The following IL36A variants were observed in gnomAD, a reference collection of about 807,000 sequenced individuals.
The protein encoded by IL36A is interleukin 36 alpha, also known as interleukin-36 alpha.
In IL36A, 13 loss-of-function variants were observed where a neutral mutation model predicts 12.7. The ratio of observed to expected loss-of-function variants is 1.02; its 90% CI spans 0.67 to 1.63. The LOEUF (loss-of-function observed/expected upper bound fraction) is 1.63, where lower values mean the gene tolerates loss of function less well. Ranked by LOEUF, IL36A falls within the 40% of genes most tolerant of loss-of-function variation. The probability of loss-of-function intolerance (pLI) is 0.00; values close to 1 mark genes in which losing one functional copy is unlikely to be tolerated. For missense variants in IL36A, 195 were observed against 192.9 expected, an observed-to-expected ratio of 1.01 and a Z score of -0.07; for synonymous variants, 73 against 71.9, an observed-to-expected ratio of 1.01 and a Z score of -0.08.
chr2:113,006,814 T>A lies in IL36A; in HGVS notation c.264+77T>A, dbSNP rs1424172072. The A allele has an allele frequency of 3.4e-6, 5 of 1,473,592 alleles. No individual in the cohort carries two copies. In the Admixed American group the frequency reaches 9.7e-5, roughly 29 times the overall value. The allele number at this position is 1,473,592 out of a possible 1,614,324, so 91.3% of individuals were successfully genotyped here. ...AGGATCTTTTAAAAGACAATGTACT[T>A]ATTATGCTCATGCATTTTTATTTTT... On this transcript the variant is annotated intron_variant, in intron 3 of 3. Coordinates refer to ENST00000259211, the MANE Select transcript of IL36A (RefSeq NM_014440.3).
chr2:113,006,778 A>T, intron 3 of IL36A, 41 bp downstream of exon 3: 6 of 1,603,020 alleles, frequency 3.7e-6, no homozygotes, highest in East Asian at 2.2e-5. Flanking sequence ...TTTGATGGAA[A>T]CTCAGATTTC....
At chr2:113,006,764 T>G in intron 3 of IL36A, 27 bp downstream of exon 3, 1 of 1,608,216 alleles carries the variant, frequency 6.2e-7, no homozygotes, top group Non-Finnish European at 8.5e-7. Flanking sequence ...GGTCCTGCCA[T>G]TTATTTGATG....
intron 2 of IL36A, 29 bp downstream of exon 2, chr2:113,006,116 C>A: frequency 7.1e-7 from 1 of 1,411,864 alleles, no homozygotes; most frequent in Non-Finnish European, 1.0e-6. Flanking sequence ...TGAAAGGCAG[C>A]TCCTTTGGCC....
Position 113,005,471 on chromosome 2 carries a change from T to C in IL36A, c.-401T>C. 1 of 255,202 alleles carries C rather than the reference T, an allele frequency of 3.9e-6. No homozygotes were observed. The highest frequency in any genetic ancestry group is 6.5e-5 in the South Asian group (1 of 15,434). The allele number at this position is 255,202 out of a possible 1,614,324, so 15.8% of individuals were successfully genotyped here. A position where few individuals can be genotyped will look rare whatever the true frequency, so the allele number is the denominator to read the frequency against. ...GTTACAGCCTGTCAGAAAACCCAAG[T>C]GCAGTAGAAGCCATTGTTCATAATG... On this transcript the variant is annotated 5_prime_UTR_variant, in exon 1 of 4. Transcript: ENST00000259211.
Position 113,008,021 on chromosome 2 carries a change from T to C in IL36A, c.454T>C (p.Phe152Leu). 1.2e-6 allele frequency: 2 copies of C among 1,614,202 alleles called. No individual in the cohort carries two copies. Among genetic ancestry groups the C allele is most frequent in the Non-Finnish European group, 1.7e-6 (2 of 1,180,012 alleles). The change falls in exon 4 of 4, where the codon TTT becomes CTT. Residue 152 changes from phenylalanine to leucine, a missense_variant. By Grantham distance (22) the Phe-to-Leu change is conservative (BLOSUM62 0). Transcript: ENST00000259211. The stretch of plus-strand genomic sequence containing the variant: ...ACTGGGGAAAGCCAACACTACTGAC[T>C]TTGGGTTAACTATGCTGTTTTAAGG... Reference protein sequence around the residue: ...QELGKANTTDFGLTMLF With the variant: ...QELGKANTTDLGLTMLF
At chr2:113,009,998 T>G (rs997849502), downstream of IL36A, among the ~76,000 whole-genome samples, 7 of 152,228 alleles carry the variant, frequency 4.6e-5, no homozygotes. Context: ...TCTCTTATTT[T>G]GAAGACTTCT....
At chr2:113,006,476 G>A (rs1684623492) in intron 2 of IL36A, 122 bp from the exon 3 acceptor site, 1 of 1,035,044 alleles carries the variant, frequency 9.7e-7, no homozygotes, top group Non-Finnish European at 1.5e-6. Flanking sequence ...GTGGTGGGTG[G>A]TGAGGTGACC....
chr2:113,007,988 A>G lies in IL36A; in HGVS notation c.421A>G (p.Thr141Ala). Residue 141 changes from threonine to alanine, a missense_variant, in exon 4 of 4, where the codon ACC becomes GCC. Coordinates refer to ENST00000259211, the MANE Select transcript of IL36A (RefSeq NM_014440.3). ...TGAAGGAGGCTGTCCTCTCATCCTT[A>G]CCCAAGAACTGGGGAAAGCCAACAC... ...SSEGGCPLIL[T>A]QELGKANTTD... The G allele has an allele frequency of 6.2e-7, 1 of 1,614,142 alleles. No individual in the cohort carries two copies. Among genetic ancestry groups the G allele is most frequent in the Non-Finnish European group, 8.5e-7 (1 of 1,180,020 alleles).
In IL36A at chr2:113,006,050, G is replaced by A. The variant is rs1230347069; in HGVS notation, c.87G>A (p.Thr29=). 7 of 1,613,716 alleles carry A rather than the reference G, an allele frequency of 4.3e-6. No homozygotes were observed. The highest frequency in any genetic ancestry group is 1.7e-5 in the Admixed American group (1 of 60,002). The change falls in exon 2 of 4, where the codon ACG becomes ACA. Residue 29 remains threonine, a synonymous_variant. Coordinates refer to ENST00000259211, the MANE Select transcript of IL36A (RefSeq NM_014440.3). ...GGGTGTGGGTTCTTCAGGACCAGAC[G>A]CTCATAGCAGTCCCGAGGAAGGACC... is the stretch of plus-strand genomic sequence containing the variant. ...NHRVWVLQDQ[T]LIAVPRKDRM...
At position 113,006,082 on chromosome 2, in the gene IL36A, C is replaced by G; in HGVS notation, c.119C>G (p.Ser40Cys). Reference protein sequence around the residue: ...LIAVPRKDRMSPVTIALISCR... With the variant: ...LIAVPRKDRMCPVTIALISCR... ...GCAGTCCCGAGGAAGGACCGTATGT[C>G]TCCAGGTGAGTAGCCACGGTCTGTG... Residue 40 changes from serine to cysteine, a missense_variant, in exon 2 of 4, where the codon TCT becomes TGT. Ser to Cys is a moderately radical substitution (Grantham distance 112). Coordinates refer to ENST00000259211, the MANE Select transcript of IL36A (RefSeq NM_014440.3). 6.2e-7 allele frequency: 1 copy of G among 1,605,388 alleles called. No individual in the cohort carries two copies. The highest frequency in any genetic ancestry group is 8.5e-7 in the Non-Finnish European group (1 of 1,172,118).
At chr2:113,008,817 T>TAA (rs781225712), downstream of IL36A, among the ~76,000 whole-genome samples, 17 of 124,784 alleles carry the variant, frequency 1.4e-4, no homozygotes, top group South Asian at 4.5e-3. Context: ...TTTTTTTTTT[T>TAA]AAAAATTTTA....
intron 3 of IL36A, 140 bp from the exon 4 acceptor site, chr2:113,007,692 C>A (rs937986999): frequency 1.6e-6 from 1 of 624,222 alleles, no homozygotes; most frequent in Non-Finnish European, 2.9e-6. Flanking sequence ...GATTTTCAAT[C>A]CCATAATATG....
At chr2:113,006,500 AC>A in intron 2 of IL36A, 97 bp from the exon 3 acceptor site, 1 of 1,347,514 alleles carries the variant, frequency 7.4e-7, no homozygotes, top group African/African-American at 1.4e-5. Context: ...CTATGAGTGC[AC>A]TGTGAGTGTC....
At chr2:113,006,214 A>G in intron 2 of IL36A, 127 bp downstream of exon 2, 1 of 695,188 alleles carries the variant, frequency 1.4e-6, no homozygotes, top group Non-Finnish European at 2.6e-6. Context: ...TCTCACAGAC[A>G]ATAATGAATA....
At chr2:113,006,135 T>C in intron 2 of IL36A, 48 bp downstream of exon 2, 1 of 1,224,242 alleles carries the variant, frequency 8.2e-7, no homozygotes, top group East Asian at 2.3e-5. Context: ...CCAGTGCTGT[T>C]GTGTGTTTGG....
At chr2:113,007,668 A>G (rs184107859) in intron 3 of IL36A, among the ~76,000 whole-genome samples, 164 bp from the exon 4 acceptor site, 5 of 152,330 alleles carry the variant, frequency 3.3e-5, no homozygotes, top group Non-Finnish European at 5.9e-5. Context: ...ATCTTAAAAG[A>G]ATTTAATTTA....
Position 113,005,754 on chromosome 2 carries a change from G to A in IL36A, c.-118G>A, listed in dbSNP as rs1684600494. ...GGGGTCACTGCTGGGCTGGCCGCCAGTCTTTCATCTGACCCAGGGTTAAAC... is the reference window on the plus strand; with the variant it reads ...GGGGTCACTGCTGGGCTGGCCGCCAATCTTTCATCTGACCCAGGGTTAAAC... On this transcript the variant is annotated 5_prime_UTR_variant, in exon 1 of 4. Coordinates refer to ENST00000259211, the MANE Select transcript of IL36A (RefSeq NM_014440.3). 3 of 1,133,606 alleles carry A rather than the reference G, an allele frequency of 2.6e-6. No homozygotes were observed. The highest frequency in any genetic ancestry group is 4.0e-6 in the Non-Finnish European group (3 of 742,516). The allele number at this position is 1,133,606 out of a possible 1,614,324, so 70.2% of individuals were successfully genotyped here.
chr2:113,005,717 T>C lies in IL36A; in HGVS notation c.-155T>C, dbSNP rs1443496715. 3.8e-6 allele frequency: 3 copies of C among 785,876 alleles called. No homozygotes were observed. Among genetic ancestry groups the C allele is most frequent in the Non-Finnish European group, 6.7e-6 (3 of 447,686 alleles). The allele number at this position is 785,876 out of a possible 1,614,324, so 48.7% of individuals were successfully genotyped here. Reference sequence around the variant, plus strand: ...GGGTGCTGGGTGAGTTCTGGGAGTATAGATTCTGACTGGGGTCACTGCTGG... The same window carrying C: ...GGGTGCTGGGTGAGTTCTGGGAGTACAGATTCTGACTGGGGTCACTGCTGG... On this transcript the variant is annotated 5_prime_UTR_variant, in exon 1 of 4. Coordinates refer to ENST00000259211, the MANE Select transcript of IL36A (RefSeq NM_014440.3).
At position 113,007,951 on chromosome 2, in the gene IL36A, C is replaced by A; in HGVS notation, c.384C>A (p.Ile128=). 6.2e-7 allele frequency: 1 copy of A among 1,614,200 alleles called. No individual in the cohort carries two copies. The highest frequency in any genetic ancestry group is 8.5e-7 in the Non-Finnish European group (1 of 1,180,022). The change falls in exon 4 of 4, where the codon ATC becomes ATA. Residue 128 remains isoleucine, a synonymous_variant. Transcript: ENST00000259211. ...CTGTGGCTTTCCCTGGCTGGTTCAT[C>A]GCTGTCAGCTCTGAAGGAGGCTGTC... The part of the protein sequence containing the change: ...FESVAFPGWF[I]AVSSEGGCPL...
Sources: allele counts gnomAD v4.1 joint callset (sites outside exome capture counted in the v4.1 genomes callset), GRCh38; gene constraint gnomAD v4.1.1; transcripts MANE v1.5; gene names NCBI Gene and HGNC (gene_info 2026-07-23, HGNC 2026-07-21).